TEX9: variants seen among roughly 807,000 people sequenced by gnomAD.
TEX9 encodes testis-expressed protein 9.
TEX9 carries 74 observed loss-of-function variants against 59.6 expected under a neutral mutation model. That is an observed-to-expected ratio of 1.24 (90% confidence interval 1.03 to 1.51). TEX9 has a LOEUF of 1.51. Among genes scored for constraint, TEX9 ranks in the 40% most tolerant of loss-of-function variants. The pLI is 0.00. For missense variants in TEX9, 522 were observed against 447.8 expected, an observed-to-expected ratio of 1.17 and a Z score of -1.49; for synonymous variants, 186 against 152.2, an observed-to-expected ratio of 1.22 and a Z score of -1.64.
At chr15:56,376,396 A>G (rs1346348254) in intron 3 of TEX9, among the ~76,000 whole-genome samples, 1 of 151,962 alleles carries the variant, frequency 6.6e-6, no homozygotes, top group Non-Finnish European at 1.5e-5. Flanking sequence ...CCCTTTCTCT[A>G]CATCCTTACC....
chr15:56,283,200 A>G (rs1448163447), intron 1 of TEX9, among the ~76,000 whole-genome samples: 1 of 151,988 alleles, frequency 6.6e-6, no homozygotes, highest in African/African-American at 2.4e-5. Flanking sequence ...TTTGCTTTAT[A>G]TCCTTTATAT....
chr15:56,253,708 G>C (rs1420648409), intron 1 of TEX9, among the ~76,000 whole-genome samples: 1 of 152,122 alleles, frequency 6.6e-6, no homozygotes, highest in East Asian at 1.9e-4. Context: ...TTCCATAACA[G>C]GATGAGCTTG....
chr15:56,268,881 AAT>A (rs1192473769), intron 1 of TEX9, among the ~76,000 whole-genome samples: 3 of 151,962 alleles, frequency 2.0e-5, no homozygotes, highest in East Asian at 1.9e-4. Flanking sequence ...TATTGATTGG[AAT>A]ATATTCAGAA....
At chr15:56,386,678 T>C (rs76092725) in intron 4 of TEX9, among the ~76,000 whole-genome samples, 2,642 of 152,132 alleles carry the variant, frequency 0.017, 76 homozygotes, top group African/African-American at 0.06. Flanking sequence ...AAAATAGATA[T>C]TTAAGTTATC....
At chr15:56,429,365 A>ATATATATTGAATATTC (rs2050492517) in intron 12 of TEX9, 1 of 540,022 alleles carries the variant, frequency 1.9e-6, no homozygotes. Context: ...AAGACTTTAC[A>ATATATATTGAATATTC]TATATATTGA....
chr15:56,450,905 C>G (rs2050942883), downstream of TEX9, among the ~76,000 whole-genome samples: 1 of 152,062 alleles, frequency 6.6e-6, no homozygotes, highest in South Asian at 2.1e-4. Flanking sequence ...TATTATTTTC[C>G]ACTACTTTTA....
chr15:56,317,141 G>A (rs936398556), intron 1 of TEX9, among the ~76,000 whole-genome samples: 3 of 152,332 alleles, frequency 2.0e-5, no homozygotes, highest in East Asian at 3.9e-4. Context: ...GCTGTAGACC[G>A]GAGCTGTTCC....
chr15:56,296,962 A>T (rs1436081402), intron 1 of TEX9, among the ~76,000 whole-genome samples: 1 of 152,200 alleles, frequency 6.6e-6, no homozygotes, highest in Non-Finnish European at 1.5e-5. Flanking sequence ...AGTTCCATAG[A>T]AGATTAGAAG....
intron 1 of TEX9, among the ~76,000 whole-genome samples, chr15:56,311,398 GT>G (rs1473325055): frequency 7.2e-6 from 1 of 139,404 alleles, no homozygotes; most frequent in Non-Finnish European, 1.6e-5. Flanking sequence ...GCGGTGTTTG[GT>G]TTTTTGTTCT....
At chr15:56,364,808 TA>T (rs2046866435), upstream of TEX9, among the ~76,000 whole-genome samples, 3 of 152,354 alleles carry the variant, frequency 2.0e-5, no homozygotes, top group African/African-American at 7.2e-5. Context: ...TTGAAATTGT[TA>T]ACCGCTTACG....
chr15:56,369,334 C>A (rs149490552), intron 2 of TEX9, among the ~76,000 whole-genome samples: 1 of 150,568 alleles, frequency 6.6e-6, no homozygotes, highest in Non-Finnish European at 1.5e-5. Flanking sequence ...GGACTACAGG[C>A]GCATGGCACC....
downstream of TEX9, among the ~76,000 whole-genome samples, chr15:56,450,740 C>T (rs991690609): frequency 1.3e-5 from 2 of 152,056 alleles, no homozygotes; most frequent in African/African-American, 4.8e-5. Flanking sequence ...ATTTAAGTCT[C>T]ACTATTGAAT....
chr15:56,338,717 G>A (rs1225246832), intron 1 of TEX9, among the ~76,000 whole-genome samples: 3 of 152,090 alleles, frequency 2.0e-5, no homozygotes, highest in African/African-American at 7.2e-5. Context: ...AGGAGTTTGA[G>A]ACCAGTATGG....
At chr15:56,457,710 G>T in the TEX9 span, among the ~76,000 whole-genome samples, 1 of 151,808 alleles carries the variant, frequency 6.6e-6, no homozygotes, top group Non-Finnish European at 1.5e-5. Context: ...GCTGTATCAG[G>T]AGGTTGAGGT....
intron 10 of TEX9, among the ~76,000 whole-genome samples, chr15:56,425,484 A>G (rs2050196935): frequency 6.6e-6 from 1 of 152,090 alleles, no homozygotes; most frequent in Admixed American, 6.6e-5. Flanking sequence ...TTATACCTGT[A>G]CAGCTCTGCT....
upstream of TEX9, among the ~76,000 whole-genome samples, chr15:56,365,174 G>A (rs1184396752): frequency 6.6e-6 from 1 of 152,220 alleles, no homozygotes; most frequent in African/African-American, 2.4e-5. Context: ...TAGCGGCAAA[G>A]GACCTGCCTG....
chr15:56,288,730 G>C (rs984727656), intron 1 of TEX9, among the ~76,000 whole-genome samples: 1 of 152,012 alleles, frequency 6.6e-6, no homozygotes, highest in Non-Finnish European at 1.5e-5. Context: ...TGTTTGTATT[G>C]AATCTGATTG....
chr15:56,446,300 T>C (rs1216718033), downstream of TEX9, among the ~76,000 whole-genome samples: 1 of 152,004 alleles, frequency 6.6e-6, no homozygotes, highest in Non-Finnish European at 1.5e-5. Context: ...CCCTATTATA[T>C]ATTCATACAG....
chr15:56,305,284 A>G (rs926289463), intron 1 of TEX9, among the ~76,000 whole-genome samples: 5 of 152,154 alleles, frequency 3.3e-5, no homozygotes, highest in African/African-American at 1.2e-4. Flanking sequence ...AAATCCTACA[A>G]TTTATATGGA....
Sources: allele counts gnomAD v4.1 joint callset (sites outside exome capture counted in the v4.1 genomes callset), GRCh38; gene constraint gnomAD v4.1.1; transcripts MANE v1.5; gene names NCBI Gene and HGNC (gene_info 2026-07-23, HGNC 2026-07-21).